NPHP4: variants seen among roughly 807,000 people sequenced by gnomAD.
NPHP4 encodes the protein nephrocystin 4, also known as nephrocystin-4.
A neutral mutation model predicts 155.8 loss-of-function variants in NPHP4; 151 were observed. That is an observed-to-expected ratio of 0.97 (90% CI 0.85 to 1.11). NPHP4 has a LOEUF of 1.11. Among genes scored for constraint, NPHP4 ranks in the 50% least tolerant of loss-of-function variants. The pLI is 0.00. For synonymous variants in NPHP4, 845 were observed against 816.8 expected, an observed-to-expected ratio of 1.03 and a Z score of -0.59; for missense variants, 1,956 against 1,925.7, an observed-to-expected ratio of 1.02 and a Z score of -0.29.
At chr1:5,887,161 G>T in intron 18 of NPHP4, 125 bp downstream of exon 18, 1 of 916,060 alleles carries the variant, frequency 1.1e-6, no homozygotes, top group South Asian at 1.7e-5. Flanking sequence ...AAGCTGGTGA[G>T]AATTCTCCCG....
intron 11 of NPHP4, among the ~76,000 whole-genome samples, chr1:5,912,220 T>G (rs1645212360): frequency 6.6e-6 from 1 of 152,008 alleles, no homozygotes; most frequent in South Asian, 2.1e-4. Flanking sequence ...TGTGCAGAAC[T>G]GGGAAGGCAG....
chr1:5,933,788 T>A (rs1216788829), intron 9 of NPHP4, among the ~76,000 whole-genome samples: 3 of 152,242 alleles, frequency 2.0e-5, no homozygotes, highest in Non-Finnish European at 4.4e-5. Context: ...AGAATGCACA[T>A]GTATATTCAA....
Position 5,877,129 on chromosome 1 carries a change from G to A in NPHP4, c.2781C>T (p.Ala927=), listed in dbSNP as rs199875603. The part of the protein sequence containing the change: ...ERMRSVRLQE[A]GGDLGRRGTS... The stretch of plus-strand genomic sequence containing the variant: ...TCCCGCGCCGGCCCAAGTCTCCCCC[G>A]GCCTCCTGCAGGCGCACAGACCTCA... Residue 927 remains alanine, a synonymous_variant, in exon 20 of 30, where the codon GCC becomes GCT. Transcript: ENST00000378156. 262 of 1,587,842 alleles carry A rather than the reference G, an allele frequency of 1.7e-4. No homozygotes were observed. Among genetic ancestry groups the A allele is most frequent in the Middle Eastern group, 5.1e-4 (3 of 5,910 alleles).
chr1:5,976,942 G>A (rs1415978254), intron 3 of NPHP4, among the ~76,000 whole-genome samples: 1 of 152,130 alleles, frequency 6.6e-6, no homozygotes, highest in African/African-American at 2.4e-5. Context: ...CGTCTCAAAG[G>A]ACGGCCACTG....
intron 9 of NPHP4, among the ~76,000 whole-genome samples, chr1:5,940,078 A>G (rs945778004): frequency 6.6e-6 from 1 of 152,206 alleles, no homozygotes; most frequent in African/African-American, 2.4e-5. Context: ...ATCAAAAGAT[A>G]GTGTAACATT....
chr1:5,964,510 C>T lies in NPHP4; in HGVS notation c.518-2561G>A, dbSNP rs184267294. Among the ~76,000 whole-genome samples the T allele has an allele frequency of 4.9e-4, 74 of 152,200 alleles. No homozygotes were observed. The East Asian group carries it at 0.012, about 25-fold the overall frequency. ...AGACCATTCTCCAAGAGAAGACCACCGCGTGTTCTGTACAAGCCATGCCTG... is the reference window on the plus strand; with the variant it reads ...AGACCATTCTCCAAGAGAAGACCACTGCGTGTTCTGTACAAGCCATGCCTG... On this transcript the variant is annotated intron_variant, in intron 5 of 29. Transcript: ENST00000378156.
chr1:5,896,539 A>G (rs925592514), intron 16 of NPHP4, among the ~76,000 whole-genome samples: 1 of 152,242 alleles, frequency 6.6e-6, no homozygotes, highest in African/African-American at 2.4e-5. Context: ...GGCAAGATAA[A>G]TAAGTAAATA....
At chr1:5,880,305 C>G in intron 18 of NPHP4, 66 bp from the exon 19 acceptor site, 1 of 1,559,342 alleles carries the variant, frequency 6.4e-7, no homozygotes, top group African/African-American at 1.4e-5. Context: ...ACAGATCAAC[C>G]CACCACATAA....
chr1:5,934,374 A>G (rs1466414634), intron 9 of NPHP4, among the ~76,000 whole-genome samples: 1 of 152,140 alleles, frequency 6.6e-6, no homozygotes, highest in Non-Finnish European at 1.5e-5. Flanking sequence ...CCTAGACCAG[A>G]GCCACCGGAA....
At chr1:5,894,987 G>A (rs1644321695) in intron 16 of NPHP4, among the ~76,000 whole-genome samples, 1 of 152,126 alleles carries the variant, frequency 6.6e-6, no homozygotes, top group Non-Finnish European at 1.5e-5. Context: ...TACACCCCAT[G>A]GATTACTATG....
chr1:5,961,659 G>A lies in NPHP4; in HGVS notation c.673+135C>T, dbSNP rs780783730. The A allele has an allele frequency of 3.2e-5, 24 of 752,054 alleles. No homozygotes were observed. In the Admixed American group the frequency reaches 4.2e-4, roughly 13 times the overall value. The allele number at this position is 752,054 out of a possible 1,614,324, so 46.6% of individuals were successfully genotyped here. On this transcript the variant is annotated intron_variant, in intron 6 of 29. Transcript: ENST00000378156. ...TCCTCCACTGTCCCCCACAACCCCC[G>A]CCAGGCCGTGCTGCTGAGCTGCAGA...
chr1:5,985,589 T>G (rs1445356907), intron 2 of NPHP4, among the ~76,000 whole-genome samples: 1 of 152,248 alleles, frequency 6.6e-6, no homozygotes, highest in Non-Finnish European at 1.5e-5. Context: ...ATCAGAGTAC[T>G]TGGGTTTTTA....
chr1:5,880,643 C>G (rs72630603), intron 18 of NPHP4: 32,724 of 224,494 alleles, frequency 0.15, 3,168 homozygotes, highest in Non-Finnish European at 0.2. Context: ...GTGCAAATGT[C>G]TGGCTCCACA....
chr1:5,869,152 GCACA>G (rs147471447), intron 23 of NPHP4, among the ~76,000 whole-genome samples: 1 of 127,428 alleles, frequency 7.8e-6, no homozygotes, highest in Non-Finnish European at 1.6e-5. Context: ...GCCCACACAT[GCACA>G]CACACGCACC....
chr1:5,873,350 C>A lies in NPHP4; in HGVS notation c.3232-15G>T. The A allele has an allele frequency of 6.2e-7, 1 of 1,609,286 alleles. No individual in the cohort carries two copies. The highest frequency in any genetic ancestry group is 8.5e-7 in the Non-Finnish European group (1 of 1,175,664). ...CCAGGAGAGGCCTGCAGGAACCGAA[C>A]AGCACAAGCAGGTCAGGAAGCAACA... On this transcript the variant is annotated splice_polypyrimidine_tract_variant and intron_variant, in intron 22 of 29. Transcript: ENST00000378156.
chr1:5,880,026 C>T (rs1453408360), intron 19 of NPHP4, 88 bp downstream of exon 19: 28 of 1,422,882 alleles, frequency 2.0e-5, no homozygotes, highest in African/African-American at 8.5e-5. Flanking sequence ...CATGCACACA[C>T]GCATGCACAC....
At chr1:5,980,798 G>A (rs1654553254) in intron 2 of NPHP4, among the ~76,000 whole-genome samples, 1 of 151,890 alleles carries the variant, frequency 6.6e-6, no homozygotes, top group South Asian at 2.1e-4. Flanking sequence ...TGAGGACAGG[G>A]AAGGTGGGCA....
chr1:5,974,082 C>T (rs1032646081), intron 3 of NPHP4, among the ~76,000 whole-genome samples: 1 of 152,230 alleles, frequency 6.6e-6, no homozygotes, highest in East Asian at 1.9e-4. Flanking sequence ...AGGAGTTTCA[C>T]GTGGGTTATG....
chr1:5,943,424 T>G (rs1413376787), intron 9 of NPHP4, among the ~76,000 whole-genome samples: 10 of 152,158 alleles, frequency 6.6e-5, no homozygotes. Flanking sequence ...TGCATACCAT[T>G]TACAGATGAA....
Sources: gnomAD v4.1 joint callset for allele counts (sites outside exome capture counted in the v4.1 genomes callset) on GRCh38, gnomAD v4.1.1 for gene constraint, MANE v1.5 for transcripts, NCBI Gene and HGNC (gene_info 2026-07-23, HGNC 2026-07-21) for gene names.